LRIG2: variants seen among roughly 807,000 people sequenced by gnomAD.
LRIG2 encodes the protein leucine-rich repeats and immunoglobulin-like domains protein 2.
Under a neutral mutation model 107.8 loss-of-function variants are expected in LRIG2, and 93 were observed. That is an observed-to-expected ratio of 0.86 (90% CI 0.73 to 1.03). The LOEUF is 1.03. Ranked by LOEUF, LRIG2 falls within the 50% of genes least tolerant of loss-of-function variation. LRIG2 has a pLI of 0.00. For missense variants in LRIG2, 1,226 were observed against 1,296.0 expected (o/e 0.95, Z 0.83); for synonymous variants, 471 against 470.6 (o/e 1.00, Z -0.01).
intron 17 of LRIG2, 149 bp from the exon 18 acceptor site, chr1:113,123,726 T>TG (rs1416202929): frequency 6.4e-5 from 39 of 610,328 alleles, no homozygotes; most frequent in South Asian, 2.0e-4. Flanking sequence ...GGTGGTGGTT[T>TG]TTGTGTGTGT....
chr1:113,097,760 A>G (rs1227533638), intron 8 of LRIG2, among the ~76,000 whole-genome samples: 1 of 152,230 alleles, frequency 6.6e-6, no homozygotes, highest in African/African-American at 2.4e-5. Flanking sequence ...CTTTAGCCTC[A>G]TGCTCTTGCC....
chr1:113,116,020 A>G (rs1163902212), intron 15 of LRIG2, among the ~76,000 whole-genome samples: 2 of 152,206 alleles, frequency 1.3e-5, no homozygotes, highest in Non-Finnish European at 2.9e-5. Context: ...AAGAAAAGAA[A>G]TCTAGGCAGA....
At chr1:113,092,406 A>T (rs1653868492) in intron 2 of LRIG2, among the ~76,000 whole-genome samples, 1 of 152,196 alleles carries the variant, frequency 6.6e-6, no homozygotes, top group Admixed American at 6.5e-5. Flanking sequence ...AAAATTAGTC[A>T]TAGGTTCCAT....
intron 9 of LRIG2, 35 bp downstream of exon 9, chr1:113,098,820 G>C (rs750043657): frequency 7.9e-7 from 1 of 1,269,246 alleles, no homozygotes; most frequent in Non-Finnish European, 1.1e-6. Flanking sequence ...GTCTACATAG[G>C]CATGTTTTCA....
Position 113,073,243 on chromosome 1 carries a change from C to T in LRIG2, c.-164C>T, listed in dbSNP as rs1557890778. The stretch of plus-strand genomic sequence containing the variant: ...GCCGTGTGTCCCAGGCCGTCGACCC[C>T]GCTGTCGCGCTGCGTCTGCTCCTTG... On this transcript the variant is annotated 5_prime_UTR_variant, in exon 1 of 18. Transcript: ENST00000361127. The T allele has an allele frequency of 2.8e-5, 18 of 650,848 alleles. No homozygotes were observed. The Admixed American group carries it at 3.5e-4, about 13-fold the overall frequency. 40.3% of individuals were successfully genotyped at this position (650,848 alleles called of 1,614,324 possible).
Position 113,112,765 on chromosome 1 carries a change from G to A in LRIG2, c.2080+5G>A, listed in dbSNP as rs761754680. On this transcript the variant is annotated splice_donor_5th_base_variant and intron_variant, in intron 14 of 17. Coordinates refer to ENST00000361127, the MANE Select transcript of LRIG2 (RefSeq NM_014813.3). ...ATGCTTCCCTAACAGTGTTAGGTAC[G>A]TTTACTGCTCCATGGGTCCCTGCTT... is the stretch of plus-strand genomic sequence containing the variant. 7.5e-6 allele frequency: 12 copies of A among 1,589,862 alleles called. No homozygotes were observed. The highest frequency in any genetic ancestry group is 1.7e-4 in the Middle Eastern group (1 of 5,994).
Position 113,109,115 on chromosome 1 carries a change from C to G in LRIG2, c.1478-1127C>G, listed in dbSNP as rs373701988. ...TTTTTACAAAGTTTAAAGAAGAAAA[C>G]AGAATCTAGTAAAGGTTAAATTCTG... On this transcript the variant is annotated intron_variant, in intron 12 of 17. Coordinates refer to ENST00000361127, the MANE Select transcript of LRIG2 (RefSeq NM_014813.3). 4.1e-4 allele frequency among the ~76,000 whole-genome samples: 62 copies of G among 152,302 alleles called. 1 individual carries two copies. The highest frequency in any genetic ancestry group is 6.8e-3 in the Middle Eastern group (2 of 294).
At chr1:113,091,044 G>T (rs1281416671) in intron 1 of LRIG2, among the ~76,000 whole-genome samples, 1 of 151,496 alleles carries the variant, frequency 6.6e-6, no homozygotes, top group Non-Finnish European at 1.5e-5. Flanking sequence ...TAGAGATGGG[G>T]TTTCACCAGG....
intron 17 of LRIG2, among the ~76,000 whole-genome samples, chr1:113,123,315 C>T (rs1655338099): frequency 6.6e-6 from 1 of 152,220 alleles, no homozygotes. Context: ...TGGCTCACGC[C>T]TGTAATCCCA....
intron 13 of LRIG2, 141 bp from the exon 14 acceptor site, chr1:113,112,338 C>A: frequency 1.3e-6 from 1 of 750,708 alleles, no homozygotes; most frequent in Non-Finnish European, 2.2e-6. Context: ...TATATTCACT[C>A]TCAATCAGAG....
chr1:113,115,934 A>C (rs1183986563), intron 15 of LRIG2, among the ~76,000 whole-genome samples: 1 of 152,212 alleles, frequency 6.6e-6, no homozygotes, highest in Non-Finnish European at 1.5e-5. Flanking sequence ...GATTGAGATC[A>C]GTCTCTTTTT....
At chr1:113,113,303 T>C (rs2101058783) in intron 14 of LRIG2, among the ~76,000 whole-genome samples, 1 of 151,820 alleles carries the variant, frequency 6.6e-6, no homozygotes, top group Non-Finnish European at 1.5e-5. Flanking sequence ...TAAAATGCCT[T>C]TTTTCCTAAA....
chr1:113,080,759 C>T (rs1011014524), intron 1 of LRIG2, among the ~76,000 whole-genome samples: 2 of 151,176 alleles, frequency 1.3e-5, no homozygotes, highest in Non-Finnish European at 2.9e-5. Context: ...GTGAATGAAT[C>T]AGGGCATTAT....
At chr1:113,110,686 T>A (rs1654738361) in intron 13 of LRIG2, 124 bp downstream of exon 13, 1 of 742,472 alleles carries the variant, frequency 1.3e-6, no homozygotes, top group Non-Finnish European at 2.2e-6. Flanking sequence ...TATTGTCTTT[T>A]GAGTTGTGAT....
intron 1 of LRIG2, among the ~76,000 whole-genome samples, chr1:113,083,428 C>T (rs911928059): frequency 6.7e-6 from 1 of 149,378 alleles, no homozygotes; most frequent in African/African-American, 2.5e-5. Flanking sequence ...TCACTGCAAC[C>T]TCTGCCTCCT....
At position 113,124,228 on chromosome 1, in the gene LRIG2, C is replaced by A; in HGVS notation, c.*127C>A. ...CTTTCTTTATGATTGCATCTGACCG[C>A]ACCAAGGTGGGCCATGCGTTGTTTG... On this transcript the variant is annotated 3_prime_UTR_variant, in exon 18 of 18. Coordinates refer to ENST00000361127, the MANE Select transcript of LRIG2 (RefSeq NM_014813.3). 1 of 807,224 alleles carries A rather than the reference C, an allele frequency of 1.2e-6. No homozygotes were observed. The highest frequency in any genetic ancestry group is 2.0e-6 in the Non-Finnish European group (1 of 508,506). 50.0% of individuals were successfully genotyped at this position (807,224 alleles called of 1,614,324 possible). A position where few individuals can be genotyped will look rare whatever the true frequency, so the allele number is the denominator to read the frequency against.
chr1:113,107,979 G>A (rs1483695054), intron 12 of LRIG2, among the ~76,000 whole-genome samples: 1 of 152,158 alleles, frequency 6.6e-6, no homozygotes, highest in Non-Finnish European at 1.5e-5. Context: ...CCTGAATCAA[G>A]CAATATGAGT....
rs1277095119 is a variant in LRIG2, at chr1:113,073,438, A to G, written c.32A>G (p.Glu11Gly). 1.7e-5 allele frequency: 27 copies of G among 1,613,722 alleles called. No homozygotes were observed. Among genetic ancestry groups the G allele is most frequent in the Non-Finnish European group, 2.2e-5 (26 of 1,179,896 alleles). MAPAPLGVPEEQLLGCRSRVL... is the reference protein window; with the variant it reads MAPAPLGVPEGQLLGCRSRVL... ...CCGGCGCCCCTAGGCGTCCCGGAGG[A>G]GCAGTTGCTGGGGTGTCGATCTAGA... The change falls in exon 1 of 18, where the codon GAG becomes GGG. Residue 11 changes from glutamate (E) to glycine (G), a missense_variant. Coordinates refer to ENST00000361127, the MANE Select transcript of LRIG2 (RefSeq NM_014813.3).
chr1:113,075,265 T>C (rs1476112915), intron 1 of LRIG2, among the ~76,000 whole-genome samples: 1 of 151,598 alleles, frequency 6.6e-6, no homozygotes, highest in Non-Finnish European at 1.5e-5. Context: ...AATTAAAATA[T>C]GAGAGGCTGC....
Sources: gnomAD v4.1 joint callset for allele counts (sites outside exome capture counted in the v4.1 genomes callset) on GRCh38, gnomAD v4.1.1 for gene constraint, MANE v1.5 for transcripts, NCBI Gene and HGNC (gene_info 2026-07-23, HGNC 2026-07-21) for gene names.